The following SYN2 variants were observed in gnomAD, a reference collection of about 807,000 sequenced individuals.
SYN2 encodes the protein synapsin-2.
Under a neutral mutation model 50.9 loss-of-function variants are expected in SYN2, and 19 were observed. The ratio of observed to expected loss-of-function variants is 0.37; its 90% CI spans 0.26 to 0.55. The LOEUF is 0.55. SYN2 is among the 20% of genes least tolerant of loss of function. SYN2 has a pLI of 0.81. For synonymous variants in SYN2, 255 were observed against 224.9 expected (o/e 1.13, Z -1.20); for missense variants, 587 against 576.4 (o/e 1.02, Z -0.19).
intron 10 of SYN2, among the ~76,000 whole-genome samples, chr3:12,177,815 C>G (rs923432523): frequency 2.0e-5 from 3 of 152,198 alleles, no homozygotes; most frequent in Admixed American, 6.5e-5. Context: ...CCTTGAGTGA[C>G]CTGCCCCTCA....
At chr3:12,153,515 C>T in intron 5 of SYN2, 1 of 1,613,146 alleles carries the variant, frequency 6.2e-7, no homozygotes, top group Non-Finnish European at 8.5e-7. Context: ...CTGGTCCCTA[C>T]TAGGGCTGAA....
chr3:12,166,332 A>G (rs1697796430), intron 7 of SYN2, among the ~76,000 whole-genome samples: 1 of 152,238 alleles, frequency 6.6e-6, no homozygotes, highest in East Asian at 1.9e-4. Context: ...ATAATTAAAA[A>G]GACATATTTT....
chr3:12,109,515 CAT>C (rs1009528686), intron 1 of SYN2, among the ~76,000 whole-genome samples: 26 of 152,272 alleles, frequency 1.7e-4, no homozygotes, highest in Non-Finnish European at 3.4e-4. Flanking sequence ...ACCAGTAAAA[CAT>C]ATTTTTGCTT....
At chr3:12,153,116 C>A in intron 5 of SYN2, 1 of 255,856 alleles carries the variant, frequency 3.9e-6, no homozygotes. Context: ...GCTGTCAAAC[C>A]ACCTTCTGAT....
chr3:12,006,373 T>TA (rs1693801286), intron 1 of SYN2, among the ~76,000 whole-genome samples: 1 of 152,200 alleles, frequency 6.6e-6, no homozygotes, highest in South Asian at 2.1e-4. Context: ...ATGCATATGA[T>TA]AGTGCCACTG....
At position 12,071,349 on chromosome 3, in the gene SYN2, C is replaced by T. The variant is rs548312879; in HGVS notation, c.377+66421C>T. The T allele has an allele frequency of 6.1e-5, 35 of 569,702 alleles. No homozygotes were observed. The East Asian group carries it at 7.4e-4, about 12-fold the overall frequency. 35.3% of individuals were successfully genotyped at this position (569,702 alleles called of 1,614,324 possible). The stretch of plus-strand genomic sequence containing the variant: ...ACAAGTTGGCCCCTCCATCGTCCAC[C>T]GCAAATGCTTCTAAATGGACCGTAA... On this transcript the variant is annotated intron_variant, in intron 1 of 12. Coordinates refer to ENST00000621198, the MANE Select transcript of SYN2 (RefSeq NM_133625.6).
chr3:12,156,970 C>T, intron 5 of SYN2: 1 of 1,467,802 alleles, frequency 6.8e-7, no homozygotes, highest in South Asian at 1.1e-5. Context: ...AATATTGGGT[C>T]AGTGAGTGTA....
chr3:12,146,419 A>G lies in SYN2; in HGVS notation c.684+584A>G, dbSNP rs556503251. ...CTAATTCTGACCTTAACCTTTCATG[A>G]TAGAGATATGAAAATTAAAGAAGGA... On this transcript the variant is annotated intron_variant, in intron 4 of 12. Transcript: ENST00000621198. Among the ~76,000 whole-genome samples the G allele has an allele frequency of 6.9e-4, 105 of 152,366 alleles. 1 individual carries two copies. The highest frequency in any genetic ancestry group is 3.3e-3 in the South Asian group (16 of 4,828).
In SYN2 at chr3:12,094,681, C is replaced by A. The variant is rs143121915; in HGVS notation, c.378-45970C>A. On this transcript the variant is annotated intron_variant, in intron 1 of 12. Transcript: ENST00000621198. ...TAAGAAAGATAAGGTATTTAAGGGG[C>A]CTTTGAGTGCCTAGCACATAGAATA... Among the ~76,000 whole-genome samples, 172 of 152,198 alleles carry A rather than the reference C, an allele frequency of 1.1e-3. 2 individuals are homozygous for A. Among genetic ancestry groups the A allele is most frequent in the African/African-American group, 3.2e-3 (132 of 41,496 alleles).
At chr3:12,020,973 AC>A (rs2125135571) in intron 1 of SYN2, among the ~76,000 whole-genome samples, 1 of 152,348 alleles carries the variant, frequency 6.6e-6, no homozygotes, top group East Asian at 1.9e-4. Context: ...AGCTGCTTTC[AC>A]ATTTTTTGTA....
chr3:12,095,349 C>G (rs1171649893), intron 1 of SYN2, among the ~76,000 whole-genome samples: 2 of 148,190 alleles, frequency 1.3e-5, no homozygotes, highest in Middle Eastern at 3.4e-3. Flanking sequence ...TCATCGAGAC[C>G]ATCCTGGCTA....
chr3:12,045,993 A>C (rs1383960822), intron 1 of SYN2, among the ~76,000 whole-genome samples: 1 of 152,204 alleles, frequency 6.6e-6, no homozygotes, highest in Non-Finnish European at 1.5e-5. Context: ...ATTCATTCTC[A>C]AAGGAACCCA....
chr3:12,168,417 G>T lies in SYN2; in HGVS notation c.1097G>T (p.Gly366Val), dbSNP rs1261730257. ...GACACCTGCTCTGAGATGTTTGGCG[G>T]CCTGGACATCTGTGCTGTCAAAGCT... is the stretch of plus-strand genomic sequence containing the variant. The part of the protein sequence containing the change: ...WVDTCSEMFG[G>V]LDICAVKAVH... The change falls in exon 9 of 13, where the codon GGC (glycine) becomes GTC (valine). Residue 366 changes from glycine (G) to valine (V), a missense_variant. Gly to Val is a moderately radical substitution (Grantham distance 109). Transcript: ENST00000621198. The T allele has an allele frequency of 1.2e-6, 2 of 1,613,996 alleles. No homozygotes were observed. The highest frequency in any genetic ancestry group is 1.3e-5 in the African/African-American group (1 of 75,026).
intron 1 of SYN2, among the ~76,000 whole-genome samples, chr3:12,059,921 A>G (rs1695077358): frequency 1.3e-5 from 2 of 152,230 alleles, no homozygotes; most frequent in Non-Finnish European, 2.9e-5. Context: ...TTTATAGAGC[A>G]TGGAAATCAT....
At chr3:12,072,080 C>A (rs1316611373) in intron 1 of SYN2, among the ~76,000 whole-genome samples, 2 of 151,940 alleles carry the variant, frequency 1.3e-5, no homozygotes, top group Admixed American at 1.3e-4. Context: ...AATAAAAATG[C>A]TGCCGTTAAA....
chr3:12,153,406 T>G, intron 5 of SYN2: 1 of 1,304,892 alleles, frequency 7.7e-7, no homozygotes, highest in Non-Finnish European at 1.1e-6. Context: ...TGGCACTTCT[T>G]ATTAGCTGGC....
chr3:12,085,360 C>G (rs200269119), intron 1 of SYN2, among the ~76,000 whole-genome samples: 10 of 110,050 alleles, frequency 9.1e-5, no homozygotes, highest in Admixed American at 1.8e-4. Flanking sequence ...AATACACACA[C>G]ACACACACAC....
intron 1 of SYN2, among the ~76,000 whole-genome samples, chr3:12,130,824 A>T (rs559737752): frequency 1.3e-5 from 2 of 152,308 alleles, no homozygotes; most frequent in African/African-American, 4.8e-5. Flanking sequence ...TCAGCTGATG[A>T]TACTAGACTG....
intron 1 of SYN2, among the ~76,000 whole-genome samples, chr3:12,078,498 G>A (rs540091228): frequency 3.3e-4 from 50 of 152,168 alleles, no homozygotes; most frequent in African/African-American, 1.1e-3. Context: ...TAAGGAAGGG[G>A]TCCAGTTTCA....
Sources: gnomAD v4.1 joint callset for allele counts (sites outside exome capture counted in the v4.1 genomes callset) on GRCh38, gnomAD v4.1.1 for gene constraint, MANE v1.5 for transcripts, NCBI Gene and HGNC (gene_info 2026-07-23, HGNC 2026-07-21) for gene names.